The following GALNT10 variants were observed in gnomAD, a reference collection of about 807,000 sequenced individuals.
GALNT10 encodes polypeptide N-acetylgalactosaminyltransferase 10.
A neutral mutation model predicts 75.0 loss-of-function variants in GALNT10; 41 were observed. That is an observed-to-expected ratio of 0.55 (90% CI 0.43 to 0.71). The LOEUF is 0.71. GALNT10 is among the 30% of genes least tolerant of loss of function. The pLI is 0.00. For missense variants in GALNT10, 727 were observed against 818.5 expected, an observed-to-expected ratio of 0.89 and a Z score of 1.36; for synonymous variants, 302 against 313.0, an observed-to-expected ratio of 0.96 and a Z score of 0.37.
chr5:154,212,232 G>C (rs1278105377), intron 1 of GALNT10, among the ~76,000 whole-genome samples: 2 of 152,226 alleles, frequency 1.3e-5, no homozygotes, highest in African/African-American at 2.4e-5. Flanking sequence ...GCAAAGGAGA[G>C]CTCTTGGAAG....
At chr5:154,219,710 T>G (rs955815752) in intron 1 of GALNT10, 1 of 151,598 alleles carries the variant, frequency 6.6e-6, no homozygotes, top group Non-Finnish European at 1.5e-5. Context: ...AATGCAAATT[T>G]GAGAACCTCT....
chr5:154,262,957 GA>G (rs111745595), intron 1 of GALNT10, among the ~76,000 whole-genome samples: 9,624 of 151,238 alleles, frequency 0.064, 435 homozygotes, highest in Non-Finnish European at 0.094. Context: ...CTTGGTTTGA[GA>G]AAAAAAAAGC....
At chr5:154,215,952 T>A (rs1013274397) in intron 1 of GALNT10, among the ~76,000 whole-genome samples, 2 of 152,192 alleles carry the variant, frequency 1.3e-5, no homozygotes, top group Admixed American at 1.3e-4. Flanking sequence ...TATATAAAGA[T>A]TTATTTGAAA....
chr5:154,359,460 A>G (rs940231540), intron 4 of GALNT10, among the ~76,000 whole-genome samples: 1 of 149,600 alleles, frequency 6.7e-6, no homozygotes, highest in Non-Finnish European at 1.5e-5. Context: ...AGTGCAGTCT[A>G]CCCACTTGGC....
intron 4 of GALNT10, among the ~76,000 whole-genome samples, chr5:154,355,361 G>A (rs1056608471): frequency 5.9e-5 from 9 of 152,216 alleles, no homozygotes; most frequent in African/African-American, 2.2e-4. Context: ...CAGGCCCTCT[G>A]CCTTCTGAGA....
At chr5:154,266,858 G>A (rs1047775277) in intron 1 of GALNT10, among the ~76,000 whole-genome samples, 1 of 152,200 alleles carries the variant, frequency 6.6e-6, no homozygotes, top group Admixed American at 6.5e-5. Flanking sequence ...TCCAGCCTGG[G>A]CGACAGAGCA....
chr5:154,394,470 G>A (rs1755976157), intron 7 of GALNT10, among the ~76,000 whole-genome samples: 1 of 152,120 alleles, frequency 6.6e-6, no homozygotes, highest in African/African-American at 2.4e-5. Context: ...GAGCGGTTAG[G>A]TGACTGGGCA....
intron 1 of GALNT10, among the ~76,000 whole-genome samples, chr5:154,257,440 T>C (rs1753631476): frequency 6.6e-6 from 1 of 152,228 alleles, no homozygotes; most frequent in Non-Finnish European, 1.5e-5. Context: ...AAACGACATT[T>C]GTCTTAGGAC....
intron 8 of GALNT10, 46 bp downstream of exon 8, chr5:154,404,257 A>AC (rs1756227601): frequency 1.6e-6 from 2 of 1,231,070 alleles, no homozygotes; most frequent in Non-Finnish European, 2.3e-6. Flanking sequence ...TTGGCCTAGG[A>AC]CCATCAGCTG....
chr5:154,330,935 GTGTT>G lies in GALNT10; in HGVS notation c.568+1201_568+1204del, dbSNP rs1338392779. Among the ~76,000 whole-genome samples, 63 of 34,152 alleles carry G rather than the reference GTGTT, an allele frequency of 1.8e-3. No homozygotes were observed. In the East Asian group the frequency reaches 0.07, roughly 38 times the overall value. The allele number at this position is 34,152 out of a possible 152,430, so 22.4% of individuals were successfully genotyped here. A position where few individuals can be genotyped will look rare whatever the true frequency, so the allele number is the denominator to read the frequency against. On this transcript the variant is annotated intron_variant, in intron 4 of 11. Transcript: ENST00000297107. ...TGTGTGTGTGTGTGTGTGTGTGTGTGTGTTTGTGTGTGTGTAGACATTTAACTCA... is the reference window on the plus strand; with the variant it reads ...TGTGTGTGTGTGTGTGTGTGTGTGTGTGTGTGTGTGTAGACATTTAACTCA...
At position 154,309,088 on chromosome 5, in the gene GALNT10, G is replaced by T. The variant is rs372222875; in HGVS notation, c.401+11009G>T. 3.3e-4 allele frequency among the ~76,000 whole-genome samples: 50 copies of T among 152,266 alleles called. 1 individual carries two copies. The South Asian group carries it at 7.7e-3, about 23-fold the overall frequency. On this transcript the variant is annotated intron_variant, in intron 3 of 11. Transcript: ENST00000297107. ...AAGGGTAGAAAAAATAATAAGAATG[G>T]GGTAGATTTTATTTCAGGGGTCAGG...
chr5:154,338,931 G>A (rs184644009), intron 4 of GALNT10, among the ~76,000 whole-genome samples: 145 of 152,316 alleles, frequency 9.5e-4, no homozygotes, highest in African/African-American at 3.3e-3. Context: ...CCTTGCTGGC[G>A]GGCAGTGTCG....
intron 1 of GALNT10, among the ~76,000 whole-genome samples, chr5:154,197,989 C>G (rs1774971362): frequency 1.3e-5 from 2 of 152,172 alleles, no homozygotes; most frequent in Admixed American, 1.3e-4. Context: ...CCGTTAAGCC[C>G]TTCCTGCAAG....
At position 154,386,357 on chromosome 5, in the gene GALNT10, G is replaced by C; in HGVS notation, c.983G>C (p.Trp328Ser). 6.2e-7 allele frequency: 1 copy of C among 1,614,154 alleles called. No individual in the cohort carries two copies. Among genetic ancestry groups the C allele is most frequent in the Non-Finnish European group, 8.5e-7 (1 of 1,180,006 alleles). ...AGGLFAVDRK[W>S]FWELGGYDPG... ...GGACTGTTCGCCGTGGATCGGAAGT[G>C]GTTCTGGGAACTCGGCGGGTATGAC... Residue 328 changes from tryptophan (W) to serine (S), a missense_variant, in exon 7 of 12, where the codon TGG becomes TCG. Trp to Ser is a radical substitution (Grantham distance 177, BLOSUM62 -3). Transcript: ENST00000297107.
Position 154,409,441 on chromosome 5 carries a change from TAAG to T in GALNT10, c.1165-96_1165-94del. On this transcript the variant is annotated intron_variant, in intron 8 of 11. Coordinates refer to ENST00000297107, the MANE Select transcript of GALNT10 (RefSeq NM_198321.4). This position sits in a 1 kb window ranked among gnomAD's most constrained non-coding sequence, Gnocchi z 4.5. Reference sequence around the variant, plus strand: ...CTGGGATTTTTGATGGAACATAAAATAAGAAGGGTTGACCTCGACCTGCCAGGA... The same window carrying T: ...CTGGGATTTTTGATGGAACATAAAATAAGGGTTGACCTCGACCTGCCAGGA... The T allele has an allele frequency of 2.5e-6, 2 of 806,172 alleles. No individual in the cohort carries two copies. Among genetic ancestry groups the T allele is most frequent in the Non-Finnish European group, 4.5e-6 (2 of 446,262 alleles). The allele number at this position is 806,172 out of a possible 1,614,324, so 49.9% of individuals were successfully genotyped here.
At chr5:154,390,875 C>G (rs1288472460) in intron 7 of GALNT10, among the ~76,000 whole-genome samples, 1 of 152,210 alleles carries the variant, frequency 6.6e-6, no homozygotes, top group Admixed American at 6.5e-5. Context: ...TTACAATAGA[C>G]TTGGTAATGA....
At chr5:154,281,997 A>G (rs55709340) in intron 1 of GALNT10, among the ~76,000 whole-genome samples, 3,305 of 152,324 alleles carry the variant, frequency 0.022, 100 homozygotes, top group African/African-American at 0.076. Flanking sequence ...GTTTTGTGCT[A>G]TAATAACAGA....
intron 1 of GALNT10, among the ~76,000 whole-genome samples, chr5:154,223,631 G>A (rs1753018269): frequency 6.6e-6 from 1 of 152,110 alleles, no homozygotes; most frequent in Admixed American, 6.5e-5. Context: ...AACAATTGGA[G>A]GGAGCAGGCC....
intron 4 of GALNT10, among the ~76,000 whole-genome samples, chr5:154,342,408 A>T (rs112113099): frequency 0.012 from 1,790 of 152,266 alleles, 32 homozygotes; most frequent in African/African-American, 0.04. Context: ...TCTTATCCTT[A>T]TCAGCATCGA....
Sources: gnomAD v4.1 joint callset for allele counts (sites outside exome capture counted in the v4.1 genomes callset) on GRCh38, gnomAD v4.1.1 for gene constraint, Gnocchi (gnomAD v3.1) non-coding constraint, MANE v1.5 for transcripts, NCBI Gene and HGNC (gene_info 2026-07-23, HGNC 2026-07-21) for gene names.